TMPRSS15: variants seen among roughly 807,000 people sequenced by gnomAD.
The protein encoded by TMPRSS15 is enteropeptidase.
In TMPRSS15, 128 loss-of-function variants were observed where a neutral mutation model predicts 125.3. The ratio of observed to expected loss-of-function variants is 1.02; its 90% CI spans 0.89 to 1.18. TMPRSS15 has a LOEUF of 1.18. TMPRSS15 is among the 50% of genes most tolerant of loss of function. TMPRSS15 has a pLI of 0.00. For missense variants in TMPRSS15, 1,283 were observed against 1,212.7 expected (o/e 1.06, Z -0.86); for synonymous variants, 446 against 423.2 (o/e 1.05, Z -0.66).
intron 13 of TMPRSS15, among the ~76,000 whole-genome samples, chr21:18,337,129 A>G (rs2146977793): frequency 6.6e-6 from 1 of 152,324 alleles, no homozygotes; most frequent in Non-Finnish European, 1.5e-5. Flanking sequence ...ATTGGCCTCA[A>G]GTGACCTGCC....
At position 18,298,158 on chromosome 21, in the gene TMPRSS15, G is replaced by C. The variant is rs941660661; in HGVS notation, c.2166-329C>G. 2.6e-5 allele frequency among the ~76,000 whole-genome samples: 4 copies of C among 152,032 alleles called. 1 individual carries two copies. The South Asian group carries it at 8.3e-4, about 31-fold the overall frequency. On this transcript the variant is annotated intron_variant, in intron 18 of 24. Transcript: ENST00000284885. ...GTTTTATAAATGTGATTTTTTCTAT[G>C]TTGTCAAATAGTTTCCATAAAAACC...
At chr21:18,319,082 G>C (rs2075205562) in intron 16 of TMPRSS15, among the ~76,000 whole-genome samples, 1 of 151,724 alleles carries the variant, frequency 6.6e-6, no homozygotes, top group African/African-American at 2.4e-5. Flanking sequence ...CTAGTGATTT[G>C]AAAAAAAGAA....
chr21:18,462,025 G>C (rs2122952928), intron 1 of TMPRSS15, among the ~76,000 whole-genome samples: 1 of 152,238 alleles, frequency 6.6e-6, no homozygotes, highest in African/African-American at 2.4e-5. Context: ...TGATTATGAT[G>C]TGACTTCAAT....
chr21:18,411,261 C>T (rs116529311), intron 1 of TMPRSS15, among the ~76,000 whole-genome samples: 1,527 of 152,020 alleles, frequency 0.01, 26 homozygotes, highest in African/African-American at 0.035. Flanking sequence ...AAAAATATCA[C>T]TAGACATGTT....
At chr21:18,378,485 C>T (rs2075863786) in intron 5 of TMPRSS15, among the ~76,000 whole-genome samples, 1 of 152,074 alleles carries the variant, frequency 6.6e-6, no homozygotes. Context: ...TCAAATATTA[C>T]ACCAACAATT....
chr21:18,479,826 G>C (rs1978947689), intron 1 of TMPRSS15, among the ~76,000 whole-genome samples: 8 of 152,062 alleles, frequency 5.3e-5, no homozygotes, highest in Admixed American at 5.2e-4. Flanking sequence ...GGAAGACAGT[G>C]TGGCAATTCC....
chr21:18,333,426 T>C (rs892672201), intron 13 of TMPRSS15, among the ~76,000 whole-genome samples: 1 of 152,178 alleles, frequency 6.6e-6, no homozygotes, highest in African/African-American at 2.4e-5. Context: ...TAAACTAAGA[T>C]ATAAAATCCC....
intron 1 of TMPRSS15, among the ~76,000 whole-genome samples, chr21:18,444,618 G>T (rs1223610447): frequency 6.6e-6 from 1 of 151,858 alleles, no homozygotes; most frequent in African/African-American, 2.4e-5. Flanking sequence ...ATGTACCCTA[G>T]AACTTAAAGT....
chr21:18,282,621 C>T (rs1180361403), intron 21 of TMPRSS15, among the ~76,000 whole-genome samples: 4 of 152,170 alleles, frequency 2.6e-5, no homozygotes, highest in African/African-American at 9.7e-5. Flanking sequence ...CACTGACAAC[C>T]ACATTGCATT....
intron 13 of TMPRSS15, among the ~76,000 whole-genome samples, chr21:18,335,743 C>T (rs753590885): frequency 3.9e-5 from 6 of 152,082 alleles, no homozygotes; most frequent in African/African-American, 7.2e-5. Flanking sequence ...AAATATGACA[C>T]AATTTATTTT....
chr21:18,459,475 T>C (rs1297389731), intron 1 of TMPRSS15, among the ~76,000 whole-genome samples: 1 of 152,120 alleles, frequency 6.6e-6, no homozygotes, highest in Non-Finnish European at 1.5e-5. Context: ...GGTTTCACCA[T>C]GTTGGCCAGG....
intron 1 of TMPRSS15, chr21:18,460,574 G>C (rs547779998): frequency 6.6e-6 from 1 of 152,188 alleles, no homozygotes; most frequent in Non-Finnish European, 1.5e-5. Flanking sequence ...TGGCTCACCC[G>C]ATTGTGGAGG....
intron 24 of TMPRSS15, among the ~76,000 whole-genome samples, chr21:18,274,046 G>T (rs1014679805): frequency 2.0e-5 from 3 of 152,258 alleles, no homozygotes; most frequent in African/African-American, 7.2e-5. Flanking sequence ...GACATAAACT[G>T]CTATTTCTTC....
At chr21:18,365,988 G>C (rs2075733910) in intron 6 of TMPRSS15, among the ~76,000 whole-genome samples, 1 of 151,820 alleles carries the variant, frequency 6.6e-6, no homozygotes, top group Admixed American at 6.6e-5. Context: ...GCACTCCTAG[G>C]ACTCCCAAAA....
intron 1 of TMPRSS15, among the ~76,000 whole-genome samples, chr21:18,426,672 A>C (rs1047471802): frequency 1.3e-5 from 2 of 152,206 alleles, no homozygotes; most frequent in Non-Finnish European, 2.9e-5. Flanking sequence ...AATTGGTTCC[A>C]TTTTGAAAGT....
chr21:18,311,285 G>A (rs773468556), intron 18 of TMPRSS15, among the ~76,000 whole-genome samples: 44 of 152,122 alleles, frequency 2.9e-4, no homozygotes, highest in Non-Finnish European at 5.9e-4. Context: ...AATAACCAAC[G>A]AAGTGAAGAG....
intron 18 of TMPRSS15, among the ~76,000 whole-genome samples, chr21:18,305,089 T>C (rs1326339268): frequency 6.6e-6 from 1 of 151,790 alleles, no homozygotes; most frequent in African/African-American, 2.4e-5. Context: ...CTGAATTACC[T>C]GAAGGACTTA....
chr21:18,299,883 C>T (rs1346412568), intron 18 of TMPRSS15, among the ~76,000 whole-genome samples: 1 of 152,188 alleles, frequency 6.6e-6, no homozygotes, highest in South Asian at 2.1e-4. Context: ...TTTCACCAAG[C>T]CCTCCAGGTG....
At chr21:18,345,552 T>TA (rs1203259396) in intron 10 of TMPRSS15, among the ~76,000 whole-genome samples, 1 of 149,636 alleles carries the variant, frequency 6.7e-6, no homozygotes, top group Admixed American at 6.7e-5. Flanking sequence ...CCATCCTGGC[T>TA]AACACGGCGA....
Sources: allele counts gnomAD v4.1 joint callset (sites outside exome capture counted in the v4.1 genomes callset), GRCh38; gene constraint gnomAD v4.1.1; transcripts MANE v1.5; gene names NCBI Gene and HGNC (gene_info 2026-07-23, HGNC 2026-07-21).